The following MIR2052HG variants were observed in gnomAD, a reference collection of about 807,000 sequenced individuals.
The protein encoded by MIR2052HG is MIR2052 host gene.
chr8:74,611,461 G>T (rs1275668146), intron 1 of MIR2052HG, among the ~76,000 whole-genome samples: 1 of 152,072 alleles, frequency 6.6e-6, no homozygotes, highest in Non-Finnish European at 1.5e-5. Flanking sequence ...ATTAATAGTT[G>T]ATTTTAAAAT....
chr8:74,755,943 A>G (rs1463080590), intron 5 of MIR2052HG, among the ~76,000 whole-genome samples: 2 of 152,044 alleles, frequency 1.3e-5, no homozygotes, highest in Non-Finnish European at 2.9e-5. Context: ...AACCATCTGG[A>G]GTTGGTGGTA....
At chr8:74,735,069 T>C (rs1031295150) in intron 4 of MIR2052HG, among the ~76,000 whole-genome samples, 5 of 152,218 alleles carry the variant, frequency 3.3e-5, no homozygotes, top group Non-Finnish European at 7.3e-5. Flanking sequence ...AGGTCATTTA[T>C]TGGCCTCCCT....
At chr8:74,720,925 G>C (rs546823717) in intron 4 of MIR2052HG, among the ~76,000 whole-genome samples, 1 of 152,104 alleles carries the variant, frequency 6.6e-6, no homozygotes, top group East Asian at 1.9e-4. Flanking sequence ...ACCATCATGA[G>C]AACAGCATGG....
chr8:74,722,429 T>C (rs1231223278), intron 4 of MIR2052HG, among the ~76,000 whole-genome samples: 2 of 152,246 alleles, frequency 1.3e-5, no homozygotes, highest in Non-Finnish European at 2.9e-5. Flanking sequence ...ACCTGAAAGA[T>C]ATTTATGACT....
intron 4 of MIR2052HG, among the ~76,000 whole-genome samples, chr8:74,718,396 G>A (rs1809542132): frequency 6.6e-6 from 1 of 152,068 alleles, no homozygotes; most frequent in Non-Finnish European, 1.5e-5. Flanking sequence ...AGGCTCTTAT[G>A]TCTTGTTGCT....
At chr8:74,737,790 TTTTG>T (rs1316029475) in intron 4 of MIR2052HG, among the ~76,000 whole-genome samples, 2 of 152,172 alleles carry the variant, frequency 1.3e-5, no homozygotes, top group African/African-American at 4.8e-5. Context: ...AGACTTTTGT[TTTTG>T]TTTGTTTTTT....
At chr8:74,696,066 A>T (rs1388950108) in intron 2 of MIR2052HG, among the ~76,000 whole-genome samples, 1 of 152,108 alleles carries the variant, frequency 6.6e-6, no homozygotes, top group Non-Finnish European at 1.5e-5. Flanking sequence ...TAAACCATAT[A>T]ATAGGCCACA....
chr8:74,726,861 G>A (rs1421275869), intron 4 of MIR2052HG, among the ~76,000 whole-genome samples: 2 of 152,196 alleles, frequency 1.3e-5, no homozygotes, highest in Non-Finnish European at 2.9e-5. Flanking sequence ...CTAAGTGACT[G>A]TTCATGGGCT....
At chr8:74,714,274 T>A (rs1809498788) in intron 4 of MIR2052HG, among the ~76,000 whole-genome samples, 1 of 152,174 alleles carries the variant, frequency 6.6e-6, no homozygotes, top group African/African-American at 2.4e-5. Flanking sequence ...TGAGCTTGGG[T>A]GGTCCTTAAC....
At chr8:74,731,444 A>T (rs1809691537) in intron 4 of MIR2052HG, among the ~76,000 whole-genome samples, 1 of 152,154 alleles carries the variant, frequency 6.6e-6, no homozygotes, top group South Asian at 2.1e-4. Context: ...GAACTTGTGG[A>T]ATGTCGGATA....
chr8:74,674,721 T>A (rs565846171), intron 2 of MIR2052HG, among the ~76,000 whole-genome samples: 2 of 150,916 alleles, frequency 1.3e-5, no homozygotes, highest in Non-Finnish European at 3.0e-5. Flanking sequence ...TAACTAAGGG[T>A]TCATTTTAGA....
intron 2 of MIR2052HG, among the ~76,000 whole-genome samples, chr8:74,659,588 A>T (rs1808840224): frequency 6.6e-6 from 1 of 152,062 alleles, no homozygotes; most frequent in Non-Finnish European, 1.5e-5. Context: ...ATACAGGCAC[A>T]TACCACTGCA....
intron 2 of MIR2052HG, among the ~76,000 whole-genome samples, chr8:74,673,170 TA>T (rs1030701003): frequency 1.4e-4 from 22 of 152,110 alleles, no homozygotes; most frequent in Admixed American, 5.9e-4. Context: ...TAGATTCTTT[TA>T]AAACCTGAAT....
chr8:74,668,050 C>T (rs1231442141), intron 2 of MIR2052HG, among the ~76,000 whole-genome samples: 1 of 151,620 alleles, frequency 6.6e-6, no homozygotes, highest in African/African-American at 2.4e-5. Flanking sequence ...CCCAGTGACC[C>T]TCCCTCTGCA....
intron 2 of MIR2052HG, among the ~76,000 whole-genome samples, chr8:74,672,242 A>G (rs1328121520): frequency 6.6e-6 from 1 of 152,050 alleles, no homozygotes; most frequent in Non-Finnish European, 1.5e-5. Context: ...GAGTGTCCAT[A>G]TCTGGGTTTT....
chr8:74,662,408 G>A (rs1268926934), intron 2 of MIR2052HG, among the ~76,000 whole-genome samples: 1 of 151,330 alleles, frequency 6.6e-6, no homozygotes, highest in Non-Finnish European at 1.5e-5. Context: ...ACACAGGGAG[G>A]CGAACATCAC....
chr8:74,737,030 C>T (rs184292751), intron 4 of MIR2052HG, among the ~76,000 whole-genome samples: 16 of 152,342 alleles, frequency 1.1e-4, no homozygotes, highest in Admixed American at 9.8e-4. Flanking sequence ...CCAGAGGCTA[C>T]TCCCTTTGCA....
intron 2 of MIR2052HG, among the ~76,000 whole-genome samples, chr8:74,681,831 A>G (rs116443247): frequency 0.011 from 1,684 of 152,328 alleles, 26 homozygotes; most frequent in African/African-American, 0.038. Flanking sequence ...ATTCTGTTAT[A>G]GCAGAAGAAA....
intron 4 of MIR2052HG, among the ~76,000 whole-genome samples, chr8:74,741,077 C>G (rs769083559): frequency 1.3e-5 from 2 of 152,180 alleles, no homozygotes; most frequent in Non-Finnish European, 2.9e-5. Flanking sequence ...AACACATAAT[C>G]TTGTTTCATG....
Sources: gnomAD v4.1 joint callset for allele counts (sites outside exome capture counted in the v4.1 genomes callset) on GRCh38, gnomAD v4.1.1 for gene constraint, MANE v1.5 for transcripts, NCBI Gene and HGNC (gene_info 2026-07-23, HGNC 2026-07-21) for gene names.